Variants in APBB3 observed in about 807,000 individuals in gnomAD.
APBB3 encodes the protein amyloid-beta A4 precursor protein-binding family B member 3.
In APBB3, 50 loss-of-function variants were observed where a neutral mutation model predicts 61.5. The observed-to-expected ratio is 0.81, with a 90% CI of 0.65 to 1.03. APBB3 has a LOEUF of 1.03. Among genes scored for constraint, APBB3 ranks in the 50% least tolerant of loss-of-function variants. APBB3 has a pLI of 0.00. For synonymous variants in APBB3, 235 were observed against 233.0 expected (o/e 1.01, Z -0.08); for missense variants, 550 against 637.4 (o/e 0.86, Z 1.48).
In APBB3 at chr5:140,562,153, G is replaced by A. The variant is rs755063242; in HGVS notation, c.573C>T (p.His191=). 6.8e-6 allele frequency: 11 copies of A among 1,614,080 alleles called. No individual in the cohort carries two copies. The highest frequency in any genetic ancestry group is 6.7e-5 in the Admixed American group (4 of 60,012). The part of the protein sequence containing the change: ...LVNPLDHSLI[H]CQPLVHIRVW... Reference sequence around the variant, plus strand: ...CACGGATGTGCACCAGAGGCTGGCAGTGGATCAGACTGTGGTCCAGGGGAT... The same window carrying A: ...CACGGATGTGCACCAGAGGCTGGCAATGGATCAGACTGTGGTCCAGGGGAT... The change falls in exon 6 of 13, where the codon CAC becomes CAT. Residue 191 remains histidine, a synonymous_variant. Coordinates refer to ENST00000357560, the MANE Select transcript of APBB3 (RefSeq NM_133173.3).
rs1436178679 is a variant in APBB3, at chr5:140,563,676, G to T, written c.214-6C>A. On this transcript the variant is annotated splice_region_variant and splice_polypyrimidine_tract_variant and intron_variant, in intron 2 of 12. Coordinates refer to ENST00000357560, the MANE Select transcript of APBB3 (RefSeq NM_133173.3). ...CCCCAGATCCCCTCCGTTCCCTGTA[G>T]AGTGGGAGTTAGTCAGTTTAACAGC... 1 of 1,614,180 alleles carries T rather than the reference G, an allele frequency of 6.2e-7. No individual in the cohort carries two copies. Among genetic ancestry groups the T allele is most frequent in the Non-Finnish European group, 8.5e-7 (1 of 1,180,020 alleles).
In APBB3 at chr5:140,561,051, A is replaced by G. The variant is rs746928553; in HGVS notation, c.883T>C (p.Tyr295His). Reference protein sequence around the residue: ...SQAAQKYEALYMGTLPVTKAM... With the variant: ...SQAAQKYEALHMGTLPVTKAM... ...TTGGTGACTGGCAGTGTCCCCATAT[A>G]CAGTGCCTCGTACTTCTGAGCAGCT... The change falls in exon 10 of 13, where the codon TAT becomes CAT. Residue 295 changes from tyrosine (Y) to histidine (H), a missense_variant. By Grantham distance (83) the Tyr-to-His change is moderately conservative. Coordinates refer to ENST00000357560, the MANE Select transcript of APBB3 (RefSeq NM_133173.3). 313 of 1,613,690 alleles carry G rather than the reference A, an allele frequency of 1.9e-4. No individual in the cohort carries two copies. Among genetic ancestry groups the G allele is most frequent in the Non-Finnish European group, 2.6e-4 (307 of 1,180,032 alleles).
chr5:140,563,755 G>C lies in APBB3; in HGVS notation c.210C>G (p.Gly70=), dbSNP rs761248004. The C allele has an allele frequency of 1.2e-6, 2 of 1,614,144 alleles. No individual in the cohort carries two copies. The highest frequency in any genetic ancestry group is 2.2e-5 in the South Asian group (2 of 91,084). Residue 70 remains glycine (G), a synonymous_variant, in exon 2 of 13, where the codon GGC becomes GGG. Coordinates refer to ENST00000357560, the MANE Select transcript of APBB3 (RefSeq NM_133173.3). ...TWELGDAEDP[G]TGTEGIWGLR... Reference sequence around the variant, plus strand: ...CTCCTCCTCACACTCTACCTACCGTGCCTGGGTCCTCTGCATCTCCTAGTT... The same window carrying C: ...CTCCTCCTCACACTCTACCTACCGTCCCTGGGTCCTCTGCATCTCCTAGTT...
chr5:140,562,443 C>T lies in APBB3; in HGVS notation c.408G>A (p.Pro136=), dbSNP rs748914035. The change falls in exon 5 of 13, where the codon CCG becomes CCA. Residue 136 remains proline (P), a synonymous_variant. Coordinates refer to ENST00000357560, the MANE Select transcript of APBB3 (RefSeq NM_133173.3). ...TATTGACTGCAATACTGCTCTTCCC[C>T]GGTGCCAGGTCCTCTTCAGGTACCT... ...WVEVPEEDLA[P]GKSSIAVNNC... The T allele has an allele frequency of 1.5e-5, 24 of 1,614,170 alleles. No homozygotes were observed. Among genetic ancestry groups the T allele is most frequent in the Admixed American group, 5.0e-5 (3 of 60,030 alleles).
At position 140,563,644 on chromosome 5, in the gene APBB3, C is replaced by A; in HGVS notation, c.240G>T (p.Arg80=). Residue 80 remains arginine, a synonymous_variant, in exon 3 of 13, where the codon CGG becomes CGT. Transcript: ENST00000357560. ...GTGTEGIWGL[R]PPKGRSFSSL... ...TGGAGAAGGATCTCCCTTTGGGGGG[C>A]CGCAGTCCCCAGATCCCCTCCGTTC... 1 of 1,614,212 alleles carries A rather than the reference C, an allele frequency of 6.2e-7. No homozygotes were observed. Among genetic ancestry groups the A allele is most frequent in the Non-Finnish European group, 8.5e-7 (1 of 1,180,034 alleles).
chr5:140,562,628 G>A (rs1035899726), intron 4 of APBB3, 35 bp downstream of exon 4: 2 of 1,613,274 alleles, frequency 1.2e-6, no homozygotes, highest in African/African-American at 1.3e-5. Flanking sequence ...TCTTTCCCTT[G>A]GGACCTCCCA....
At position 140,560,793 on chromosome 5, in the gene APBB3, A is replaced by C. The variant is rs762685640; in HGVS notation, c.917-39T>G. 6.3e-6 allele frequency: 10 copies of C among 1,586,044 alleles called. No individual in the cohort carries two copies. The highest frequency in any genetic ancestry group is 1.3e-5 in the African/African-American group (1 of 74,576). On this transcript the variant is annotated intron_variant, in intron 10 of 12. Coordinates refer to ENST00000357560, the MANE Select transcript of APBB3 (RefSeq NM_133173.3). This position sits in a 1 kb window ranked among gnomAD's most constrained non-coding sequence, Gnocchi z 5.1. ...CCCAGCGTGTCTCCCAGTGTAAAAG[A>C]AAGAGTCTGCAGGGAGTGTCTAGCC...
In APBB3 at chr5:140,561,085, C is replaced by T. The variant is rs1372651202; in HGVS notation, c.849G>A (p.Ala283=). 2 of 1,614,058 alleles carry T rather than the reference C, an allele frequency of 1.2e-6. No homozygotes were observed. The highest frequency in any genetic ancestry group is 1.3e-5 in the African/African-American group (1 of 75,034). ...CGTACTTCTGAGCAGCTTGGCTTAC[C>T]GCATCCAGCAGCTCCACTGAAATAT... The part of the protein sequence containing the change: ...DLPRQVELLD[A]VSQAAQKYEA... Residue 283 remains alanine, a synonymous_variant, in exon 10 of 13, where the codon GCG becomes GCA. Transcript: ENST00000357560.
Position 140,559,222 on chromosome 5 carries a change from C to G in APBB3, c.1225-401G>C, listed in dbSNP as rs138154490. On this transcript the variant is annotated intron_variant, in intron 12 of 12. Coordinates refer to ENST00000357560, the MANE Select transcript of APBB3 (RefSeq NM_133173.3). ...TTAATTACATGTACCACTATGTTGC[C>G]TCTTTTCCATCTCTCACTGGTGGGG... Among the ~76,000 whole-genome samples the G allele has an allele frequency of 4.5e-4, 69 of 152,254 alleles. 1 individual carries two copies. The highest frequency in any genetic ancestry group is 6.8e-3 in the Middle Eastern group (2 of 294).
In APBB3 at chr5:140,562,472, C is replaced by T; in HGVS notation, c.379G>A (p.Val127Ile). The change falls in exon 5 of 13, where the codon GTA becomes ATA. Residue 127 changes from valine (V) to isoleucine (I), a missense_variant. By Grantham distance (29) the Val-to-Ile change is conservative. Coordinates refer to ENST00000357560, the MANE Select transcript of APBB3 (RefSeq NM_133173.3). ...KCFAVRSLGW[V>I]EVPEEDLAPG... The stretch of plus-strand genomic sequence containing the variant: ...GCCAGGTCCTCTTCAGGTACCTCTA[C>T]CCAGCCCAGAGAGCGGACTGCAAAG... 6.2e-7 allele frequency: 1 copy of T among 1,614,116 alleles called. No individual in the cohort carries two copies. Among genetic ancestry groups the T allele is most frequent in the Non-Finnish European group, 8.5e-7 (1 of 1,180,014 alleles).
At position 140,558,662 on chromosome 5, in the gene APBB3, C is replaced by A; in HGVS notation, c.1384G>T (p.Ala462Ser). 1 of 1,613,974 alleles carries A rather than the reference C, an allele frequency of 6.2e-7. No homozygotes were observed. The highest frequency in any genetic ancestry group is 8.5e-7 in the Non-Finnish European group (1 of 1,179,970). The change falls in exon 13 of 13, where the codon GCA becomes TCA. Residue 462 changes from alanine (A) to serine (S), a missense_variant. Physicochemically the swap from Ala to Ser is moderately conservative, Grantham distance 99 (BLOSUM62 1). Transcript: ENST00000357560. ...AAGACACCCCGCTTTCGAGGGGTTG[C>A]CCCTGCACCGCCAACCCCTCCTTTG... ...LLKGGVGGAG[A>S]TPRKRGVFSF...
Position 140,558,368 on chromosome 5 carries a change from A to G in APBB3, c.*217T>C. Reference sequence around the variant, plus strand: ...TTGGACAGGGGCAAGGAACACAAGGACCCAAGGAAAGGGGAGCCAGGGTCC... The same window carrying G: ...TTGGACAGGGGCAAGGAACACAAGGGCCCAAGGAAAGGGGAGCCAGGGTCC... On this transcript the variant is annotated 3_prime_UTR_variant, in exon 13 of 13. Transcript: ENST00000357560. 1.5e-6 allele frequency: 1 copy of G among 656,102 alleles called. No individual in the cohort carries two copies. The allele number at this position is 656,102 out of a possible 1,614,324, so 40.6% of individuals were successfully genotyped here.
chr5:140,558,726 G>A lies in APBB3; in HGVS notation c.1320C>T (p.Ser440=), dbSNP rs1754814176. ...GCAGGGGACCTCCTGGGGAATCCATGGAGCTGGTCCGCTTGAGCCGCAGGC... is the reference window on the plus strand; with the variant it reads ...GCAGGGGACCTCCTGGGGAATCCATAGAGCTGGTCCGCTTGAGCCGCAGGC... ...RARLRLKRTS[S]MDSPGGPLPL... Residue 440 remains serine, a synonymous_variant, in exon 13 of 13, where the codon TCC becomes TCT. Coordinates refer to ENST00000357560, the MANE Select transcript of APBB3 (RefSeq NM_133173.3). The A allele has an allele frequency of 6.2e-7, 1 of 1,607,572 alleles. No homozygotes were observed. Among genetic ancestry groups the A allele is most frequent in the Non-Finnish European group, 8.5e-7 (1 of 1,178,292 alleles).
chr5:140,560,285 C>T lies in APBB3; in HGVS notation c.1224+28G>A, dbSNP rs747876373. On this transcript the variant is annotated intron_variant, in intron 12 of 12. Coordinates refer to ENST00000357560, the MANE Select transcript of APBB3 (RefSeq NM_133173.3). The surrounding 1 kb of genome is among the most constrained non-coding windows in gnomAD (Gnocchi z 5.1). ...GTGGAGAGCAGCTGCAGGGCAATCCCACCAACCCATTCCCACCCATGACTC... is the reference window on the plus strand; with the variant it reads ...GTGGAGAGCAGCTGCAGGGCAATCCTACCAACCCATTCCCACCCATGACTC... 1 of 1,603,150 alleles carries T rather than the reference C, an allele frequency of 6.2e-7. No homozygotes were observed.
chr5:140,563,792 C>CGCTGCCACTGGGT lies in APBB3; in HGVS notation c.160_172dup (p.Arg58HisfsTer45). 6.2e-7 allele frequency: 1 copy of CGCTGCCACTGGGT among 1,614,146 alleles called. No homozygotes were observed. The highest frequency in any genetic ancestry group is 1.3e-5 in the African/African-American group (1 of 75,024). On this transcript the variant is annotated frameshift_variant, in exon 2 of 13. Transcript: ENST00000357560. LOFTEE classifies it high-confidence loss of function. ...TGCATCTCCTAGTTCCCAGGTTGGG[C>CGCTGCCACTGGGT]GCTGCCACTGGGTGCTACCGCTGGG...
chr5:140,563,293 G>A, intron 3 of APBB3: 1 of 453,460 alleles, frequency 2.2e-6, no homozygotes, highest in Non-Finnish European at 3.9e-6. Context: ...CCAATATGTG[G>A]ACCAGAACCC....
chr5:140,562,119 C>T lies in APBB3; in HGVS notation c.607G>A (p.Val203Met), dbSNP rs776216532. 1.7e-5 allele frequency: 28 copies of T among 1,613,960 alleles called. No individual in the cohort carries two copies. The highest frequency in any genetic ancestry group is 4.0e-5 in the African/African-American group (3 of 74,920). Reference protein sequence around the residue: ...QPLVHIRVWGVGSSKGRDRDF... With the variant: ...QPLVHIRVWGMGSSKGRDRDF... ...CCTCACCGGCCCTTGGAGCTCCCCACGCCCCACACACGGATGTGCACCAGA... is the reference window on the plus strand; with the variant it reads ...CCTCACCGGCCCTTGGAGCTCCCCATGCCCCACACACGGATGTGCACCAGA... Residue 203 changes from valine to methionine, a missense_variant, in exon 6 of 13, where the codon GTG becomes ATG. Coordinates refer to ENST00000357560, the MANE Select transcript of APBB3 (RefSeq NM_133173.3).
chr5:140,563,662 C>T lies in APBB3; in HGVS notation c.222G>A (p.Glu74=), dbSNP rs758061884. ...TGGGGGGCCGCAGTCCCCAGATCCC[C>T]TCCGTTCCCTGTAGAGTGGGAGTTA... The part of the protein sequence containing the change: ...GDAEDPGTGT[E]GIWGLRPPKG... Residue 74 remains glutamate (E), a synonymous_variant, in exon 3 of 13, where the codon GAG becomes GAA. Coordinates refer to ENST00000357560, the MANE Select transcript of APBB3 (RefSeq NM_133173.3). 2 of 1,614,200 alleles carry T rather than the reference C, an allele frequency of 1.2e-6. No individual in the cohort carries two copies. Among genetic ancestry groups the T allele is most frequent in the South Asian group, 1.1e-5 (1 of 91,084 alleles).
In APBB3 at chr5:140,564,283, A is replaced by G. The variant is rs748587177; in HGVS notation, c.-38T>C. On this transcript the variant is annotated 5_prime_UTR_variant, in exon 1 of 13. Transcript: ENST00000357560. This position sits in a 1 kb window ranked among gnomAD's most constrained non-coding sequence, Gnocchi z 5.0. ...TCCCCGCCAGCCTCTGCCGGCCCGC[A>G]CTCTCAGCCCAGCGCGACCTCTGGA... is the stretch of plus-strand genomic sequence containing the variant. The G allele has an allele frequency of 6.2e-7, 1 of 1,602,500 alleles. No homozygotes were observed. The highest frequency in any genetic ancestry group is 1.3e-5 in the African/African-American group (1 of 74,830).
Sources: gnomAD v4.1 joint callset for allele counts (sites outside exome capture counted in the v4.1 genomes callset) on GRCh38, gnomAD v4.1.1 for gene constraint, Gnocchi (gnomAD v3.1) non-coding constraint, MANE v1.5 for transcripts, NCBI Gene and HGNC (gene_info 2026-07-23, HGNC 2026-07-21) for gene names.